Variants in SYMPK observed in about 807,000 individuals in gnomAD.
SYMPK encodes the protein symplekin.
A neutral mutation model predicts 136.4 loss-of-function variants in SYMPK; 49 were observed. The ratio of observed to expected loss-of-function variants is 0.36; its 90% CI spans 0.29 to 0.46. The LOEUF (loss-of-function observed/expected upper bound fraction) is 0.46, where lower values mean the gene tolerates loss of function less well. Among genes scored for constraint, SYMPK ranks in the 20% least tolerant of loss-of-function variants. The pLI is 1.00. For missense variants in SYMPK, 1,365 were observed against 1,690.0 expected (o/e 0.81, Z 3.37); for synonymous variants, 766 against 713.0 (o/e 1.07, Z -1.19).
In SYMPK at chr19:45,815,860, G is replaced by A. The variant is rs1258773194; in HGVS notation, c.3678C>T (p.Pro1226=). Residue 1226 remains proline, a synonymous_variant, in exon 26 of 27, where the codon CCC becomes CCT. Transcript: ENST00000245934. ...AGGCTGCTCTCCCTACCTTGGGTAGGGGGCCCTCGAGACTAGAGTCCAACA... is the reference window on the plus strand; with the variant it reads ...AGGCTGCTCTCCCTACCTTGGGTAGAGGGCCCTCGAGACTAGAGTCCAACA... ...AALLDSSLEG[P]LPKETAAGGL... 24 of 1,611,694 alleles carry A rather than the reference G, an allele frequency of 1.5e-5. 1 individual carries two copies. In the South Asian group the frequency reaches 2.2e-4, roughly 15 times the overall value.
At chr19:45,844,346 T>TA in intron 7 of SYMPK, 146 bp from the exon 8 acceptor site, 1 of 600,858 alleles carries the variant, frequency 1.7e-6, no homozygotes, top group Non-Finnish European at 2.7e-6. Flanking sequence ...GGTGGTTGAT[T>TA]AGTTCTATGA....
chr19:45,835,297 G>T, intron 10 of SYMPK, 69 bp from the exon 11 acceptor site: 3 of 1,461,816 alleles, frequency 2.1e-6, no homozygotes, highest in Middle Eastern at 1.9e-4. Flanking sequence ...CCATGCCCAT[G>T]CCAATACTGG....
intron 14 of SYMPK, 86 bp downstream of exon 14, chr19:45,828,884 G>T (rs3826893): frequency 1.5e-6 from 2 of 1,335,734 alleles, no homozygotes; most frequent in South Asian, 1.3e-5. Context: ...GTGACGAAGA[G>T]GGAGGTGGTC....
At chr19:45,836,795 T>C (rs1269044786) in intron 10 of SYMPK, among the ~76,000 whole-genome samples, 2 of 152,138 alleles carry the variant, frequency 1.3e-5, no homozygotes, top group Admixed American at 6.6e-5. Context: ...CATGCCACCA[T>C]GCCCGGCTAA....
intron 11 of SYMPK, among the ~76,000 whole-genome samples, chr19:45,834,319 C>T (rs145498886): frequency 0.1 from 15,487 of 151,774 alleles, 958 homozygotes; most frequent in Admixed American, 0.15. Flanking sequence ...GCTAGCCAGG[C>T]GTGGTGGCAT....
rs1218278562 is a variant in SYMPK, at chr19:45,815,893, C to A, written c.3645G>T (p.Glu1215Asp). Residue 1215 changes from glutamate to aspartate, a missense_variant, in exon 26 of 27, where the codon GAG becomes GAT. Around this residue, in one of 11 missense-constraint regions of SYMPK, gnomAD observed 341 missense variants for 270.5 expected, o/e 1.26. Transcript: ENST00000245934. ...ISMDDDSGLT[E>D]AALLDSSLEG... ...CGAGACTAGAGTCCAACAGCGCGGC[C>A]TCGGTCAGCCCCGAGTCGTCATCCA... The A allele has an allele frequency of 6.2e-7, 1 of 1,611,962 alleles. No individual in the cohort carries two copies.
intron 15 of SYMPK, 103 bp downstream of exon 15, chr19:45,827,734 A>C: frequency 1.3e-6 from 2 of 1,514,924 alleles, no homozygotes; most frequent in South Asian, 2.3e-5. Context: ...CCGGTCCCTC[A>C]CAAAACCCCC....
chr19:45,825,363 C>T (rs1203330209), intron 17 of SYMPK, 32 bp from the exon 18 acceptor site: 1 of 1,605,614 alleles, frequency 6.2e-7, no homozygotes, highest in East Asian at 2.2e-5. Context: ...TCAGATTGGC[C>T]CACACTCTTC....
At chr19:45,823,346 G>C (rs778283635) in intron 20 of SYMPK, 26 bp downstream of exon 20, 7 of 1,610,018 alleles carry the variant, frequency 4.3e-6, no homozygotes, top group Middle Eastern at 1.7e-4. Context: ...CAGGTAGCAG[G>C]GACAAACAGG....
Position 45,847,741 on chromosome 19 carries a change from G to A in SYMPK, c.676+11C>T, listed in dbSNP as rs376044858. 47 of 1,605,872 alleles carry A rather than the reference G, an allele frequency of 2.9e-5. No individual in the cohort carries two copies. Among genetic ancestry groups the A allele is most frequent in the Non-Finnish European group, 3.8e-5 (45 of 1,174,224 alleles). On this transcript the variant is annotated intron_variant, in intron 7 of 26. Coordinates refer to ENST00000245934, the MANE Select transcript of SYMPK (RefSeq NM_004819.3). ...GGGCTGTCAGGGGTGGCAGCTGAAG[G>A]CAGTACTCACTGTACTGGATGTAGG...
At chr19:45,858,474 C>A (rs1037867734) in intron 1 of SYMPK, among the ~76,000 whole-genome samples, 3 of 152,138 alleles carry the variant, frequency 2.0e-5, no homozygotes, top group African/African-American at 7.2e-5. Flanking sequence ...TCCTTCAGGT[C>A]TCCACTCACA....
At chr19:45,822,221 C>T (rs1489542483) in intron 21 of SYMPK, among the ~76,000 whole-genome samples, 1 of 148,816 alleles carries the variant, frequency 6.7e-6, no homozygotes, top group Non-Finnish European at 1.5e-5. Context: ...CGGGTTCATG[C>T]CATTCTCCTG....
In SYMPK at chr19:45,816,497, C is replaced by T. The variant is rs768302818; in HGVS notation, c.3339G>A (p.Ala1113=). The T allele has an allele frequency of 2.5e-6, 4 of 1,612,816 alleles. No homozygotes were observed. The South Asian group carries it at 3.3e-5, about 13-fold the overall frequency. Residue 1113 remains alanine, a synonymous_variant, in exon 25 of 27, where the codon GCG becomes GCA. Coordinates refer to ENST00000245934, the MANE Select transcript of SYMPK (RefSeq NM_004819.3). ...GGGCCCTCACCTCCTCCAAGGGCCC[C>T]GCAGGCGCCTCCTTGGCCTCTGGCT... ...KQEPEAKEAP[A]GPLEEDDLEP... is the part of the protein sequence containing the mutation.
intron 3 of SYMPK, 27 bp downstream of exon 3, chr19:45,854,148 A>G: frequency 6.2e-7 from 1 of 1,612,026 alleles, no homozygotes; most frequent in South Asian, 1.1e-5. Flanking sequence ...TCACCTGCTC[A>G]GCCCAGGATG....
intron 7 of SYMPK, 91 bp from the exon 8 acceptor site, chr19:45,844,291 C>A: frequency 9.6e-7 from 1 of 1,042,112 alleles, no homozygotes; most frequent in Non-Finnish European, 1.4e-6. Context: ...AAGGACAGAT[C>A]CTGGTACCTA....
At chr19:45,827,948 G>A (rs1156987777) in intron 14 of SYMPK, 30 bp from the exon 15 acceptor site, 1 of 1,609,908 alleles carries the variant, frequency 6.2e-7, no homozygotes, top group Non-Finnish European at 8.5e-7. Flanking sequence ...GGCCATGGCT[G>A]CAGAGGAAGA....
chr19:45,822,943 G>T, intron 20 of SYMPK, 97 bp from the exon 21 acceptor site: 1 of 969,676 alleles, frequency 1.0e-6, no homozygotes. Context: ...GGGGAGCTGA[G>T]GGCAAGCTCT....
At chr19:45,836,799 C>T (rs988581723) in intron 10 of SYMPK, among the ~76,000 whole-genome samples, 1 of 152,044 alleles carries the variant, frequency 6.6e-6, no homozygotes, top group African/African-American at 2.4e-5. Context: ...CCACCATGCC[C>T]GGCTAATTTT....
At chr19:45,862,899 A>G (rs1281854981) in intron 1 of SYMPK, among the ~76,000 whole-genome samples, 159 bp downstream of exon 1, 1 of 152,228 alleles carries the variant, frequency 6.6e-6, no homozygotes, top group African/African-American at 2.4e-5. Context: ...CCTCGAGGGC[A>G]CTAGGGAGCC....
Sources: allele counts gnomAD v4.1 joint callset (sites outside exome capture counted in the v4.1 genomes callset), GRCh38; gene constraint gnomAD v4.1.1; regional missense constraint gnomAD v4.1.1; transcripts MANE v1.5; gene names NCBI Gene and HGNC (gene_info 2026-07-23, HGNC 2026-07-21).